The following STK31 variants were observed in gnomAD, a reference collection of about 807,000 sequenced individuals.
STK31 encodes the protein serine/threonine-protein kinase 31.
STK31 carries 89 observed loss-of-function variants against 129.7 expected under a neutral mutation model. The observed-to-expected ratio is 0.69, with a 90% CI of 0.58 to 0.82. The LOEUF is 0.82. Ranked by LOEUF, STK31 falls within the 40% of genes least tolerant of loss-of-function variation. STK31 has a pLI of 0.00. For missense variants in STK31, 1,187 were observed against 1,176.4 expected, an observed-to-expected ratio of 1.01 and a Z score of -0.13; for synonymous variants, 448 against 395.3, an observed-to-expected ratio of 1.13 and a Z score of -1.58.
intron 11 of STK31, among the ~76,000 whole-genome samples, chr7:23,764,915 CTTT>C (rs1464853131): frequency 4.0e-5 from 6 of 151,432 alleles, no homozygotes; most frequent in Admixed American, 3.3e-4. Flanking sequence ...AAAATGTTTT[CTTT>C]TTAACTACTA....
intron 6 of STK31, among the ~76,000 whole-genome samples, chr7:23,730,880 T>TATATATATATATA (rs1562555173): frequency 7.5e-5 from 3 of 40,212 alleles, no homozygotes; most frequent in African/African-American, 2.2e-4. Context: ...ATATATATAT[T>TATATATATATATA]TTTTTTTTTT....
rs372526186 is a variant in STK31 at position 23,797,511 on chromosome 7, A to G, written c.2760+6565A>G. Among the ~76,000 whole-genome samples the G allele has an allele frequency of 4.6e-5, 7 of 152,226 alleles. No individual in the cohort carries two copies. In the East Asian group the frequency reaches 1.3e-3, roughly 29 times the overall value. On this transcript the variant is annotated intron_variant, in intron 22 of 23. Transcript: ENST00000355870. ...CTGAACAACCTGCTCCTGAATGACT[A>G]CTGGGTAATTAACAAAATTAAGGCA...
rs947333423 is a variant in STK31, at chr7:23,801,655, A to G, written c.2760+10709A>G. Among the ~76,000 whole-genome samples the G allele has an allele frequency of 2.6e-5, 4 of 152,268 alleles. No homozygotes were observed. The East Asian group carries it at 5.8e-4, about 22-fold the overall frequency. Reference sequence around the variant, plus strand: ...AATATTTTTTCTTATATTTTCTTCTAAAAGCTCTATAGTTGTATGGTTTAC... The same window carrying G: ...AATATTTTTTCTTATATTTTCTTCTGAAAGCTCTATAGTTGTATGGTTTAC... On this transcript the variant is annotated intron_variant, in intron 22 of 23. Coordinates refer to ENST00000355870, the MANE Select transcript of STK31 (RefSeq NM_031414.5).
At chr7:23,717,385 TA>T in intron 3 of STK31, 95 bp from the exon 4 acceptor site, 1 of 712,474 alleles carries the variant, frequency 1.4e-6, no homozygotes, top group Non-Finnish European at 2.1e-6. Context: ...TCTAATGGCC[TA>T]AAATCTTTTA....
chr7:23,765,958 G>A (rs1174648523), intron 11 of STK31, among the ~76,000 whole-genome samples: 3 of 152,140 alleles, frequency 2.0e-5, no homozygotes, highest in Non-Finnish European at 2.9e-5. Flanking sequence ...TAGGATTTTA[G>A]TCACGGGTTA....
intron 22 of STK31, among the ~76,000 whole-genome samples, chr7:23,808,873 G>A (rs1038219343): frequency 6.6e-6 from 1 of 151,626 alleles, no homozygotes; most frequent in African/African-American, 2.4e-5. Flanking sequence ...ACCTATTACA[G>A]TTTTCTGTTC....
chr7:23,770,502 T>C (rs986839477), intron 13 of STK31, among the ~76,000 whole-genome samples: 5 of 152,204 alleles, frequency 3.3e-5, no homozygotes, highest in African/African-American at 4.8e-5. Flanking sequence ...GGTCTATATA[T>C]TGTTTATAGT....
At chr7:23,808,970 T>TGTGCGC (rs60631283) in intron 22 of STK31, among the ~76,000 whole-genome samples, 51 of 139,660 alleles carry the variant, frequency 3.7e-4, no homozygotes, top group South Asian at 2.3e-3. Context: ...TGTGTGTGTG[T>TGTGCGC]GCCTGTGTCT....
In STK31 at chr7:23,772,270, T is replaced by G; in HGVS notation, c.1957T>G (p.Leu653Val). 6.2e-7 allele frequency: 1 copy of G among 1,604,324 alleles called. No homozygotes were observed. The highest frequency in any genetic ancestry group is 8.5e-7 in the Non-Finnish European group (1 of 1,176,816). Reference protein sequence around the residue: ...LRWKLVEKSNLEESDDPDGSQ... With the variant: ...LRWKLVEKSNVEESDDPDGSQ... ...ATGGAAATTGGTTGAAAAGAGTAAT[T>G]TGGAAGAGGTAAGGAAACAGTTGTT... The change falls in exon 15 of 24, where the codon TTG becomes GTG. Residue 653 changes from leucine to valine, a missense_variant. Leu to Val is a conservative substitution (Grantham distance 32, BLOSUM62 1). Around this residue, in one of 5 missense-constraint regions of STK31, gnomAD observed 975 missense variants for 934.9 expected, o/e 1.04. Transcript: ENST00000355870.
chr7:23,830,036 G>A (rs921317212), intron 23 of STK31, among the ~76,000 whole-genome samples: 2 of 151,936 alleles, frequency 1.3e-5, no homozygotes, highest in Non-Finnish European at 2.9e-5. Flanking sequence ...TGCAAGCTCC[G>A]CCTCCCGGGT....
chr7:23,710,323 C>T lies in STK31; in HGVS notation c.38C>T (p.Thr13Met), dbSNP rs1435351371. The T allele has an allele frequency of 9.9e-6, 16 of 1,613,442 alleles. No homozygotes were observed. Among genetic ancestry groups the T allele is most frequent in the East Asian group, 4.5e-5 (2 of 44,872 alleles). Residue 13 changes from threonine (T) to methionine (M), a missense_variant, in exon 1 of 24, where the codon ACG becomes ATG. Thr to Met is a moderately conservative substitution (Grantham distance 81). Coordinates refer to ENST00000355870, the MANE Select transcript of STK31 (RefSeq NM_031414.5). The part of the protein sequence containing the change: ...VQGHSSRASA[T>M]ESVSFSGIVQ... The stretch of plus-strand genomic sequence containing the variant: ...GGTCACTCTTCTAGAGCTTCCGCAA[C>T]GGAAAGTGTGAGGTCAGTAGTAGTT...
In STK31 at chr7:23,832,405, C is replaced by CTTTT. The variant is rs1554300487; in HGVS notation, c.*42_*43insTTTT. ...TTGTTGCAGAGGTTCTTTTTAAAAA[C>CTTTT]TTTGGTTTGGTTAATACACAGAAAT... is the stretch of plus-strand genomic sequence containing the variant. On this transcript the variant is annotated 3_prime_UTR_variant, in exon 24 of 24. Transcript: ENST00000355870. The CTTTT allele has an allele frequency of 4.1e-6, 6 of 1,477,482 alleles. No homozygotes were observed. In the East Asian group the frequency reaches 1.1e-4, roughly 28 times the overall value. The allele number at this position is 1,477,482 out of a possible 1,614,324, so 91.5% of individuals were successfully genotyped here. A position where few individuals can be genotyped will look rare whatever the true frequency, so the allele number is the denominator to read the frequency against.
intron 22 of STK31, among the ~76,000 whole-genome samples, chr7:23,810,781 T>C (rs1435543499): frequency 8.1e-6 from 1 of 123,368 alleles, no homozygotes; most frequent in African/African-American, 3.5e-5. Context: ...ATATATATTA[T>C]ATATAAATAT....
Position 23,762,834 on chromosome 7 carries a change from G to GA in STK31, c.1330dup (p.Met444AsnfsTer17). 1 of 1,608,932 alleles carries GA rather than the reference G, an allele frequency of 6.2e-7. No individual in the cohort carries two copies. Among genetic ancestry groups the GA allele is most frequent in the African/African-American group, 1.3e-5 (1 of 74,862 alleles). On this transcript the variant is annotated frameshift_variant, in exon 11 of 24. Transcript: ENST00000355870. LOFTEE classifies it high-confidence loss of function. ...GAATATTTTGATTGCCCAAAGAAAT[G>GA]AAATGCAGCAGAAGCTGTACATGTC...
intron 23 of STK31, among the ~76,000 whole-genome samples, chr7:23,827,254 C>G (rs754739568): frequency 4.1e-4 from 63 of 152,212 alleles, no homozygotes; most frequent in Non-Finnish European, 7.9e-4. Flanking sequence ...TAGATTTGGT[C>G]TTTTCACGTA....
At chr7:23,808,014 C>T (rs1422137777) in intron 22 of STK31, among the ~76,000 whole-genome samples, 1 of 151,708 alleles carries the variant, frequency 6.6e-6, no homozygotes, top group African/African-American at 2.4e-5. Context: ...ATAATCACAA[C>T]ATCTGTTCTA....
intron 18 of STK31, among the ~76,000 whole-genome samples, chr7:23,786,263 A>G (rs1319369660): frequency 2.0e-5 from 3 of 152,054 alleles, no homozygotes; most frequent in Non-Finnish European, 4.4e-5. Context: ...AATCATGATA[A>G]TAAGATAATT....
chr7:23,751,685 C>T (rs1213764490), intron 8 of STK31, among the ~76,000 whole-genome samples: 1 of 151,968 alleles, frequency 6.6e-6, no homozygotes, highest in African/African-American at 2.4e-5. Context: ...GTAGTTTTGT[C>T]TGTTTTATTC....
chr7:23,776,769 A>G (rs13311366), intron 15 of STK31, among the ~76,000 whole-genome samples: 1 of 150,390 alleles, frequency 6.6e-6, no homozygotes, highest in Admixed American at 6.6e-5. Flanking sequence ...CAAAAAACCA[A>G]CTCCTGGATT....
Sources: allele counts gnomAD v4.1 joint callset (sites outside exome capture counted in the v4.1 genomes callset), GRCh38; gene constraint gnomAD v4.1.1; regional missense constraint gnomAD v4.1.1; transcripts MANE v1.5; gene names NCBI Gene and HGNC (gene_info 2026-07-23, HGNC 2026-07-21).